Variants in CTNNA3 observed in about 807,000 individuals in gnomAD.
The protein encoded by CTNNA3 is catenin alpha-3.
In CTNNA3, 76 loss-of-function variants were observed where a neutral mutation model predicts 95.7. That is an observed-to-expected ratio of 0.79 (90% CI 0.66 to 0.96). The LOEUF (loss-of-function observed/expected upper bound fraction) is 0.96. Ranked by LOEUF, CTNNA3 falls within the 40% of genes least tolerant of loss-of-function variation. The pLI is 0.00. For synonymous variants in CTNNA3, 431 were observed against 374.4 expected, an observed-to-expected ratio of 1.15 and a Z score of -1.74; for missense variants, 1,191 against 1,089.8, an observed-to-expected ratio of 1.09 and a Z score of -1.31.
At chr10:67,604,277 A>G (rs1233182029) in intron 3 of CTNNA3, among the ~76,000 whole-genome samples, 4 of 152,208 alleles carry the variant, frequency 2.6e-5, no homozygotes, top group African/African-American at 9.6e-5. Context: ...CGGAACATTC[A>G]AGAAACTGCG....
At chr10:67,535,527 T>C (rs571618586) in intron 4 of CTNNA3, among the ~76,000 whole-genome samples, 1 of 151,914 alleles carries the variant, frequency 6.6e-6, no homozygotes, top group East Asian at 1.9e-4. Flanking sequence ...GCTCAGAGAG[T>C]TGGAGGTTGT....
chr10:66,704,901 T>C lies in CTNNA3; in HGVS notation c.1281+61363A>G, dbSNP rs1323290179. 6.6e-5 allele frequency among the ~76,000 whole-genome samples: 10 copies of C among 152,282 alleles called. No homozygotes were observed. The East Asian group carries it at 1.9e-3, about 29-fold the overall frequency. ...TTGTTCATTCATTCATTCATTCATT[T>C]ATTGCTTTCCTTAGTGCACTGGCTA... On this transcript the variant is annotated intron_variant, in intron 9 of 17. Transcript: ENST00000433211.
At chr10:66,268,634 C>G (rs2091210173) in intron 13 of CTNNA3, among the ~76,000 whole-genome samples, 1 of 152,152 alleles carries the variant, frequency 6.6e-6, no homozygotes, top group Non-Finnish European at 1.5e-5. Context: ...GCAATAATAA[C>G]TGGAACAAAG....
intron 11 of CTNNA3, among the ~76,000 whole-genome samples, chr10:66,509,291 C>T (rs1315693985): frequency 6.6e-6 from 1 of 151,928 alleles, no homozygotes; most frequent in Non-Finnish European, 1.5e-5. Context: ...TAGTCCCTTA[C>T]CAGATGAATA....
chr10:66,408,553 C>A (rs2093075543), intron 11 of CTNNA3, among the ~76,000 whole-genome samples: 1 of 152,102 alleles, frequency 6.6e-6, no homozygotes, highest in African/African-American at 2.4e-5. Context: ...TTCTTCCAAA[C>A]CCAAAATTTT....
intron 7 of CTNNA3, among the ~76,000 whole-genome samples, chr10:66,777,271 A>G (rs967657250): frequency 6.6e-6 from 1 of 151,940 alleles, no homozygotes; most frequent in Non-Finnish European, 1.5e-5. Context: ...AAAAATTGGC[A>G]CCACATATGT....
chr10:67,274,553 C>T (rs982096273), intron 5 of CTNNA3, among the ~76,000 whole-genome samples: 2 of 152,080 alleles, frequency 1.3e-5, no homozygotes, highest in Non-Finnish European at 2.9e-5. Context: ...GATGGCCTGG[C>T]GCAGTGGCTC....
At chr10:66,227,304 T>C (rs1045360176) in intron 13 of CTNNA3, among the ~76,000 whole-genome samples, 6 of 152,084 alleles carry the variant, frequency 3.9e-5, no homozygotes, top group African/African-American at 1.4e-4. Flanking sequence ...TTCAGTATAT[T>C]AGCTGTGGTT....
intron 10 of CTNNA3, among the ~76,000 whole-genome samples, chr10:66,565,364 G>A (rs1842674286): frequency 6.6e-6 from 1 of 152,136 alleles, no homozygotes; most frequent in Admixed American, 6.6e-5. Flanking sequence ...CAGATGTCAA[G>A]TAATAGCTAA....
intron 9 of CTNNA3, among the ~76,000 whole-genome samples, chr10:66,689,211 C>T (rs1206200521): frequency 1.3e-5 from 2 of 152,038 alleles, no homozygotes; most frequent in Non-Finnish European, 2.9e-5. Flanking sequence ...GTTAGAGCTG[C>T]TTCTGAAATA....
rs113426327 is a variant in CTNNA3, at chr10:66,453,509, G to C, written c.1531+67108C>G. Among the ~76,000 whole-genome samples the C allele has an allele frequency of 9.2e-3, 1,407 of 152,354 alleles. 31 individuals are homozygous for C. The highest frequency in any genetic ancestry group is 0.032 in the African/African-American group (1,337 of 41,594). ...GGAACCATCAGAAGTAGGAAGATGA[G>C]GGAGAAAGAAGTGCTAGGGAAAATG... On this transcript the variant is annotated intron_variant, in intron 11 of 17. Transcript: ENST00000433211.
intron 12 of CTNNA3, among the ~76,000 whole-genome samples, chr10:66,285,836 G>T (rs1183542669): frequency 6.6e-6 from 1 of 151,838 alleles, no homozygotes; most frequent in African/African-American, 2.4e-5. Context: ...TGAATAAGAA[G>T]TTCGTGCAAC....
chr10:66,130,864 C>CAAAAAAAAA (rs1209953818), intron 13 of CTNNA3, among the ~76,000 whole-genome samples: 1 of 83,300 alleles, frequency 1.2e-5, no homozygotes. Context: ...CAAAAACAAA[C>CAAAAAAAAA]AAAAAAAAAA....
intron 13 of CTNNA3, among the ~76,000 whole-genome samples, chr10:66,239,789 A>G (rs985983832): frequency 6.6e-6 from 1 of 151,932 alleles, no homozygotes; most frequent in African/African-American, 2.4e-5. Context: ...GGCATATGTT[A>G]CTAGGCTACT....
chr10:66,616,252 T>G (rs1844508807), intron 10 of CTNNA3, among the ~76,000 whole-genome samples: 2 of 152,184 alleles, frequency 1.3e-5, no homozygotes, highest in Non-Finnish European at 2.9e-5. Context: ...ACTCTCCTTG[T>G]GTTAAATGTC....
chr10:67,466,033 A>C (rs1260125537), intron 5 of CTNNA3, among the ~76,000 whole-genome samples: 1 of 152,162 alleles, frequency 6.6e-6, no homozygotes, highest in Admixed American at 6.5e-5. Flanking sequence ...TGTATCTAAA[A>C]TTCTATATAT....
chr10:66,676,731 CA>C (rs1468793970), intron 9 of CTNNA3, among the ~76,000 whole-genome samples: 3 of 151,996 alleles, frequency 2.0e-5, no homozygotes, highest in African/African-American at 7.3e-5. Context: ...GTAATTTATA[CA>C]AATAAAATAT....
Position 66,927,049 on chromosome 10 carries a change from G to C in CTNNA3, c.1048-151525C>G. On this transcript the variant is annotated intron_variant, in intron 7 of 17. Coordinates refer to ENST00000433211, the MANE Select transcript of CTNNA3 (RefSeq NM_013266.4). This position sits in a 1 kb window ranked among gnomAD's most constrained non-coding sequence, Gnocchi z 4.7. ...GGGCTGTAGGTGTGAAGGCAAAATGGTATATTGTGAATCTCAGAAATTACA... is the reference window on the plus strand; with the variant it reads ...GGGCTGTAGGTGTGAAGGCAAAATGCTATATTGTGAATCTCAGAAATTACA... 6.2e-7 allele frequency: 1 copy of C among 1,614,122 alleles called. No homozygotes were observed. The highest frequency in any genetic ancestry group is 1.1e-5 in the South Asian group (1 of 91,072).
intron 7 of CTNNA3, among the ~76,000 whole-genome samples, chr10:66,996,517 G>A (rs915592735): frequency 1.4e-4 from 22 of 151,818 alleles, no homozygotes; most frequent in African/African-American, 4.3e-4. Context: ...GCGTGGTGGC[G>A]CGTGCCTGTA....
Sources: allele counts gnomAD v4.1 joint callset (sites outside exome capture counted in the v4.1 genomes callset), GRCh38; gene constraint gnomAD v4.1.1; non-coding constraint Gnocchi (gnomAD v3.1); transcripts MANE v1.5; gene names NCBI Gene and HGNC (gene_info 2026-07-23, HGNC 2026-07-21).